The following LRRC49 variants were observed in gnomAD, a reference collection of about 807,000 sequenced individuals.
LRRC49 encodes the protein leucine-rich repeat-containing protein 49.
LRRC49 carries 50 observed loss-of-function variants against 83.3 expected under a neutral mutation model. The observed-to-expected ratio is 0.60, with a 90% CI of 0.48 to 0.76. The LOEUF (loss-of-function observed/expected upper bound fraction) is 0.76. LRRC49 is among the 30% of genes least tolerant of loss of function. The pLI is 0.00. For missense variants in LRRC49, 704 were observed against 809.1 expected (o/e 0.87, Z 1.58); for synonymous variants, 286 against 283.3 (o/e 1.01, Z -0.10).
In LRRC49 at chr15:70,864,927, C is replaced by T. The variant is rs141261684; in HGVS notation, c.-298-7981C>T. On this transcript the variant is annotated intron_variant, in intron 1 of 16. Transcript: ENST00000544974. ...CATTAAGTCAGGGCTCTCTTAGCTG[C>T]TTCAGTGCCAAATTTGGGGCACTAG... Among the ~76,000 whole-genome samples, 393 of 152,324 alleles carry T rather than the reference C, an allele frequency of 2.6e-3. 1 individual carries two copies. Among genetic ancestry groups the T allele is most frequent in the Non-Finnish European group, 4.6e-3 (311 of 68,032 alleles).
intron 1 of LRRC49, among the ~76,000 whole-genome samples, chr15:70,864,866 G>C (rs886710966): frequency 1.3e-5 from 2 of 152,156 alleles, no homozygotes; most frequent in African/African-American, 2.4e-5. Flanking sequence ...TCAGTCATCT[G>C]TGTATCCGGG....
intron 8 of LRRC49, among the ~76,000 whole-genome samples, chr15:70,963,113 TA>T (rs1567072503): frequency 6.6e-6 from 1 of 151,126 alleles, no homozygotes; most frequent in Non-Finnish European, 1.5e-5. Context: ...GTAGACAAAA[TA>T]AAAAGTAAAA....
chr15:70,861,401 G>T (rs1418514365), intron 1 of LRRC49, among the ~76,000 whole-genome samples: 1 of 80,076 alleles, frequency 1.2e-5, no homozygotes, highest in African/African-American at 3.3e-5. Context: ...GTGTTCTAGT[G>T]GGGGAACCAG....
At chr15:70,914,317 A>G (rs946430037) in intron 6 of LRRC49, among the ~76,000 whole-genome samples, 1 of 152,200 alleles carries the variant, frequency 6.6e-6, no homozygotes, top group Non-Finnish European at 1.5e-5. Context: ...ACATTAAGTG[A>G]ATGTTTTTTG....
At chr15:71,018,063 G>A (rs1057436261) in intron 14 of LRRC49, among the ~76,000 whole-genome samples, 3 of 152,088 alleles carry the variant, frequency 2.0e-5, no homozygotes, top group African/African-American at 7.2e-5. Flanking sequence ...GGAGGAGGAG[G>A]AGGGGGAGAA....
intron 1 of LRRC49, among the ~76,000 whole-genome samples, chr15:70,869,245 A>C (rs796541553): frequency 2.6e-5 from 4 of 152,342 alleles, no homozygotes; most frequent in African/African-American, 9.6e-5. Context: ...CAACTAAGGA[A>C]ACACACTGAC....
intron 5 of LRRC49, among the ~76,000 whole-genome samples, chr15:70,909,891 AAAG>A (rs1393898215): frequency 7.1e-6 from 1 of 140,096 alleles, no homozygotes; most frequent in African/African-American, 2.6e-5. Flanking sequence ...ACAAACAAAA[AAAG>A]AAAGTTGTAG....
At chr15:70,963,731 A>G (rs2036692118) in intron 8 of LRRC49, 54 bp from the exon 9 acceptor site, 2 of 1,542,500 alleles carry the variant, frequency 1.3e-6, no homozygotes, top group Admixed American at 2.0e-5. Context: ...ATTAAAAATG[A>G]AAGTATTATC....
At chr15:70,905,893 G>T (rs550520881) in intron 5 of LRRC49, among the ~76,000 whole-genome samples, 3 of 152,252 alleles carry the variant, frequency 2.0e-5, no homozygotes, top group African/African-American at 7.2e-5. Flanking sequence ...GGAAGGGATA[G>T]ATCAGATACT....
chr15:70,960,971 C>T (rs545643730), intron 8 of LRRC49, among the ~76,000 whole-genome samples: 4 of 152,102 alleles, frequency 2.6e-5, no homozygotes, highest in Admixed American at 2.0e-4. Context: ...CTGTGAAAGA[C>T]ACTGTTAAGA....
rs754982623 is a variant in LRRC49, at chr15:70,900,989, G to C, written c.261G>C (p.Glu87Asp). 1 of 1,610,698 alleles carries C rather than the reference G, an allele frequency of 6.2e-7. No homozygotes were observed. The highest frequency in any genetic ancestry group is 2.2e-5 in the East Asian group (1 of 44,752). The stretch of plus-strand genomic sequence containing the variant: ...CTATTCTTCAACGTTCTTCTGAAGA[G>C]AAAATTCTTTACTCAGACAGGTTGA... ...SFPILQRSSE[E>D]KILYSDRLSL... The change falls in exon 4 of 16, where the codon GAG (glutamate) becomes GAC (aspartate). Residue 87 changes from glutamate (E) to aspartate (D), a missense_variant. Coordinates refer to ENST00000260382, the MANE Select transcript of LRRC49 (RefSeq NM_017691.5).
intron 7 of LRRC49, among the ~76,000 whole-genome samples, chr15:70,925,211 T>C (rs1324720932): frequency 6.6e-6 from 1 of 152,100 alleles, no homozygotes; most frequent in Non-Finnish European, 1.5e-5. Context: ...TTGTTGGTAC[T>C]GTATGTTTTG....
At chr15:70,936,890 A>G (rs2035619121) in intron 8 of LRRC49, 68 bp downstream of exon 8, 1 of 992,700 alleles carries the variant, frequency 1.0e-6, no homozygotes, top group Non-Finnish European at 1.6e-6. Context: ...CTTTAGATTA[A>G]GATTGTAAAT....
intron 11 of LRRC49, among the ~76,000 whole-genome samples, chr15:71,006,166 C>G (rs2038450940): frequency 6.6e-6 from 1 of 152,216 alleles, no homozygotes; most frequent in Non-Finnish European, 1.5e-5. Context: ...AACCATGTCA[C>G]TGTTTTACTG....
At chr15:70,945,021 G>A (rs2035959179) in intron 8 of LRRC49, among the ~76,000 whole-genome samples, 1 of 152,100 alleles carries the variant, frequency 6.6e-6, no homozygotes, top group African/African-American at 2.4e-5. Flanking sequence ...ATTATACCCT[G>A]TGTACCCACA....
chr15:71,033,928 A>G (rs1425045856), intron 14 of LRRC49, among the ~76,000 whole-genome samples: 1 of 152,234 alleles, frequency 6.6e-6, no homozygotes, highest in Non-Finnish European at 1.5e-5. Context: ...AAAACTATAA[A>G]AAGCCTAGAA....
chr15:70,997,687 G>T (rs1396003016), intron 11 of LRRC49, among the ~76,000 whole-genome samples: 1 of 152,220 alleles, frequency 6.6e-6, no homozygotes, highest in Non-Finnish European at 1.5e-5. Flanking sequence ...GGAGGTGGAG[G>T]TTGCAGTGAG....
intron 11 of LRRC49, among the ~76,000 whole-genome samples, chr15:70,997,160 T>C (rs2038101515): frequency 6.6e-6 from 1 of 152,234 alleles, no homozygotes. Flanking sequence ...CCAACTATTA[T>C]TGTAGAACTG....
chr15:70,858,863 G>A lies in LRRC49; in HGVS notation c.-299+5394G>A, dbSNP rs536693174. ...AGCAGCAGCTTCTGGGGTGGCCTGG[G>A]TGGAGGCTGGGTGGTGGGGCCAGTG... is the stretch of plus-strand genomic sequence containing the variant. On this transcript the variant is annotated intron_variant, in intron 1 of 16. Coordinates refer to the LRRC49 transcript ENST00000544974. 107 of 766,070 alleles carry A rather than the reference G, an allele frequency of 1.4e-4. No individual in the cohort carries two copies. The South Asian group carries it at 1.5e-3, about 11-fold the overall frequency. 47.5% of individuals were successfully genotyped at this position (766,070 alleles called of 1,614,324 possible). A position where few individuals can be genotyped will look rare whatever the true frequency, so the allele number is the denominator to read the frequency against.
Sources: gnomAD v4.1 joint callset for allele counts (sites outside exome capture counted in the v4.1 genomes callset) on GRCh38, gnomAD v4.1.1 for gene constraint, MANE v1.5 for transcripts, NCBI Gene and HGNC (gene_info 2026-07-23, HGNC 2026-07-21) for gene names.